The following UBE2G1 variants were observed in gnomAD, a reference collection of about 807,000 sequenced individuals.
UBE2G1 encodes the protein ubiquitin conjugating enzyme E2 G1, also known as ubiquitin-conjugating enzyme E2 G1.
UBE2G1 carries 5 observed loss-of-function variants against 22.7 expected under a neutral mutation model. That is an observed-to-expected ratio of 0.22 (90% CI 0.12 to 0.46). The LOEUF is 0.46. Ranked by LOEUF, UBE2G1 falls within the 20% of genes least tolerant of loss-of-function variation. The pLI, the probability that UBE2G1 is intolerant of heterozygous loss-of-function variation, is 0.99. For missense variants in UBE2G1, 88 were observed against 203.9 expected, an observed-to-expected ratio of 0.43 and a Z score of 3.46; for synonymous variants, 74 against 67.5, an observed-to-expected ratio of 1.10 and a Z score of -0.47.
intron 1 of UBE2G1, among the ~76,000 whole-genome samples, chr17:4,322,552 T>A (rs1261084109): frequency 6.6e-6 from 1 of 152,214 alleles, no homozygotes; most frequent in East Asian, 1.9e-4. Flanking sequence ...TAACTTCTAC[T>A]GAAAGGCATC....
chr17:4,323,403 T>G (rs1426842236), intron 1 of UBE2G1, among the ~76,000 whole-genome samples: 2 of 152,184 alleles, frequency 1.3e-5, no homozygotes, highest in Non-Finnish European at 2.9e-5. Context: ...ACAAAACTCC[T>G]TTAATTAAGG....
At chr17:4,333,850 G>C (rs1027206376) in intron 1 of UBE2G1, among the ~76,000 whole-genome samples, 1 of 151,904 alleles carries the variant, frequency 6.6e-6, no homozygotes, top group Non-Finnish European at 1.5e-5. Context: ...TACACCTTTT[G>C]CCTAATTCGC....
At chr17:4,290,779 CTTT>C (rs34313850) in intron 3 of UBE2G1, among the ~76,000 whole-genome samples, 24,712 of 117,978 alleles carry the variant, frequency 0.21, 2,624 homozygotes, top group Non-Finnish European at 0.25. Flanking sequence ...CCATTCCTGG[CTTT>C]TTTTTTTTTT....
intron 5 of UBE2G1, among the ~76,000 whole-genome samples, chr17:4,275,559 G>A (rs543887395): frequency 2.0e-5 from 3 of 152,124 alleles, no homozygotes; most frequent in East Asian, 3.9e-4. Flanking sequence ...AACTAGAGTC[G>A]TCTTTAATTT....
intron 1 of UBE2G1, among the ~76,000 whole-genome samples, chr17:4,342,515 G>A (rs916803956): frequency 2.6e-5 from 4 of 152,178 alleles, no homozygotes; most frequent in Admixed American, 6.5e-5. Flanking sequence ...CCAGGGGTTC[G>A]AGGCTGTGGT....
At chr17:4,307,427 G>A (rs755504527) in intron 1 of UBE2G1, among the ~76,000 whole-genome samples, 7 of 152,080 alleles carry the variant, frequency 4.6e-5, no homozygotes, top group African/African-American at 7.2e-5. Context: ...ATCCAGGCCC[G>A]TCCCCCAGAG....
intron 3 of UBE2G1, among the ~76,000 whole-genome samples, chr17:4,293,613 C>T (rs867208727): frequency 1.4e-4 from 21 of 152,130 alleles, no homozygotes; most frequent in African/African-American, 5.1e-4. Flanking sequence ...TCCAAACACC[C>T]GCACCATTTA....
rs909507347 is a variant in UBE2G1, at chr17:4,366,593, A to C, written c.-277T>G. The C allele has an allele frequency of 1.5e-5, 5 of 336,412 alleles. No individual in the cohort carries two copies. The highest frequency in any genetic ancestry group is 8.4e-5 in the South Asian group (1 of 11,906). The allele number at this position is 336,412 out of a possible 1,614,324, so 20.8% of individuals were successfully genotyped here. ...TTCGCTCGCCCGCTTCCCTCCTTCA[A>C]CCCGCCCGTCGGCCCCACCGGTGCC... On this transcript the variant is annotated 5_prime_UTR_variant, in exon 1 of 6. Coordinates refer to ENST00000396981, the MANE Select transcript of UBE2G1 (RefSeq NM_003342.5).
At chr17:4,279,377 A>G (rs1968856417) in intron 5 of UBE2G1, among the ~76,000 whole-genome samples, 1 of 152,170 alleles carries the variant, frequency 6.6e-6, no homozygotes, top group Non-Finnish European at 1.5e-5. Context: ...CAGTGGTGAA[A>G]GCAAGGACTT....
chr17:4,285,095 C>T (rs866560494), intron 4 of UBE2G1, among the ~76,000 whole-genome samples: 10 of 152,242 alleles, frequency 6.6e-5, no homozygotes, highest in Middle Eastern at 3.4e-3. Flanking sequence ...TCACCTGCCT[C>T]GGCCTCCCAA....
intron 1 of UBE2G1, among the ~76,000 whole-genome samples, chr17:4,323,901 T>C (rs1334151565): frequency 8.5e-5 from 13 of 152,278 alleles, no homozygotes; most frequent in South Asian, 8.3e-4. Context: ...ATTTGTTACA[T>C]AGATATATTT....
rs1404639428 is a variant in UBE2G1 at position 4,357,510 on chromosome 17, G to GC, written c.46+8760_46+8761insG. Among the ~76,000 whole-genome samples, 82 of 84,186 alleles carry GC rather than the reference G, an allele frequency of 9.7e-4. 10 individuals carry two copies. Among genetic ancestry groups the GC allele is most frequent in the Non-Finnish European group, 1.7e-3 (68 of 41,176 alleles). 55.2% of individuals were successfully genotyped at this position (84,186 alleles called of 152,430 possible). ...ACTCGGTTGTGTGTGTGTGTGTGTGGGGGGGGGGGGTGGGTGTATAACTCT... is the reference window on the plus strand; with the variant it reads ...ACTCGGTTGTGTGTGTGTGTGTGTGGCGGGGGGGGGGTGGGTGTATAACTCT... On this transcript the variant is annotated intron_variant, in intron 1 of 5. Transcript: ENST00000396981.
chr17:4,300,558 T>TAAAC (rs1969165568), intron 2 of UBE2G1, among the ~76,000 whole-genome samples: 1 of 151,576 alleles, frequency 6.6e-6, no homozygotes, highest in Non-Finnish European at 1.5e-5. Flanking sequence ...ATAATAATAA[T>TAAAC]AAATAAATAA....
chr17:4,274,199 C>CTTT lies in UBE2G1; in HGVS notation c.*38-1686_*38-1684dup, dbSNP rs11426758. 1.0e-3 allele frequency among the ~76,000 whole-genome samples: 106 copies of CTTT among 101,236 alleles called. 2 individuals are homozygous for CTTT. In the East Asian group the frequency reaches 0.012, roughly 11 times the overall value. The allele number at this position is 101,236 out of a possible 152,430, so 66.4% of individuals were successfully genotyped here. ...GTTTCATCCTGTTAGCCAGGATGGT[C>CTTT]TTTTTTTTTTTTTTTTGAGACAGAG... On this transcript the variant is annotated intron_variant, in intron 5 of 5. Coordinates refer to ENST00000396981, the MANE Select transcript of UBE2G1 (RefSeq NM_003342.5).
chr17:4,292,552 A>G (rs1969054616), intron 3 of UBE2G1, among the ~76,000 whole-genome samples: 1 of 152,190 alleles, frequency 6.6e-6, no homozygotes, highest in African/African-American at 2.4e-5. Context: ...TCTGGATAGC[A>G]TATTTATTCT....
At chr17:4,279,238 G>A (rs1968854224) in intron 5 of UBE2G1, among the ~76,000 whole-genome samples, 1 of 148,118 alleles carries the variant, frequency 6.8e-6, no homozygotes, top group African/African-American at 2.5e-5. Flanking sequence ...TCACGCCATT[G>A]CACTCCAGCC....
At chr17:4,364,289 A>AGTT (rs1482095606) in intron 1 of UBE2G1, 5 of 104,048 alleles carry the variant, frequency 4.8e-5, no homozygotes, top group East Asian at 2.3e-4. Context: ...AATGCAATAA[A>AGTT]GTTCTTTTTT....
intron 1 of UBE2G1, among the ~76,000 whole-genome samples, chr17:4,325,661 C>T (rs1190628799): frequency 6.6e-6 from 1 of 152,170 alleles, no homozygotes; most frequent in Non-Finnish European, 1.5e-5. Context: ...ATTGCCGAAA[C>T]ATTCTTGAAA....
intron 1 of UBE2G1, among the ~76,000 whole-genome samples, chr17:4,361,129 A>G (rs1276175779): frequency 6.6e-6 from 1 of 152,070 alleles, no homozygotes; most frequent in Non-Finnish European, 1.5e-5. Flanking sequence ...AGGCTAAAGC[A>G]GGAGAATCAC....
Sources: gnomAD v4.1 joint callset for allele counts (sites outside exome capture counted in the v4.1 genomes callset) on GRCh38, gnomAD v4.1.1 for gene constraint, MANE v1.5 for transcripts, NCBI Gene and HGNC (gene_info 2026-07-23, HGNC 2026-07-21) for gene names.